CLSPN: variants seen among roughly 807,000 people sequenced by gnomAD.
CLSPN encodes claspin.
Under a neutral mutation model 156.3 loss-of-function variants are expected in CLSPN, and 85 were observed. The observed-to-expected ratio is 0.54, with a 90% CI of 0.46 to 0.65. The LOEUF (loss-of-function observed/expected upper bound fraction) is 0.65. CLSPN is among the 30% of genes least tolerant of loss of function. The probability of loss-of-function intolerance (pLI) is 0.00; values close to 1 mark genes in which losing one functional copy is unlikely to be tolerated. For missense variants in CLSPN, 1,407 were observed against 1,554.9 expected, an observed-to-expected ratio of 0.90 and a Z score of 1.60; for synonymous variants, 534 against 542.4, an observed-to-expected ratio of 0.98 and a Z score of 0.22.
At position 35,734,109 on chromosome 1, in the gene CLSPN, G is replaced by C; in HGVS notation, c.*2387C>G. ...TTGATCAATTCACTAGGACTGAGAAGCCAGTGAGGGGACAATTGCAGCAGC... is the reference window on the plus strand; with the variant it reads ...TTGATCAATTCACTAGGACTGAGAACCCAGTGAGGGGACAATTGCAGCAGC... On this transcript the variant is annotated 3_prime_UTR_variant, in exon 25 of 25. Coordinates refer to ENST00000318121, the MANE Select transcript of CLSPN (RefSeq NM_022111.4). 1 of 985,394 alleles carries C rather than the reference G, an allele frequency of 1.0e-6. No homozygotes were observed. The highest frequency in any genetic ancestry group is 1.2e-6 in the Non-Finnish European group (1 of 829,914). The allele number at this position is 985,394 out of a possible 1,614,324, so 61.0% of individuals were successfully genotyped here.
At position 35,734,500 on chromosome 1, in the gene CLSPN, C is replaced by T. The variant is rs1427644625; in HGVS notation, c.*1996G>A. On this transcript the variant is annotated 3_prime_UTR_variant, in exon 25 of 25. Transcript: ENST00000318121. ...TTCAAGACCAGCCTGGCCAACATGG[C>T]GAAACCTCATCTCTAATAAAAATAC... 1.3e-5 allele frequency: 5 copies of T among 382,552 alleles called. No homozygotes were observed. The East Asian group carries it at 6.6e-4, about 50-fold the overall frequency. The allele number at this position is 382,552 out of a possible 1,614,324, so 23.7% of individuals were successfully genotyped here.
chr1:35,736,501 T>G lies in CLSPN; in HGVS notation c.4015A>C (p.Ser1339Arg). The G allele has an allele frequency of 6.3e-7, 1 of 1,599,022 alleles. No individual in the cohort carries two copies. Among genetic ancestry groups the G allele is most frequent in the Non-Finnish European group, 8.5e-7 (1 of 1,173,772 alleles). ...TTTTGGCACCTTTGATGGTGTTAGC[T>G]CTCCAAATATTTGAAGATGCTTCGC... ...LTRSIFKYLES is the reference protein window; with the variant it reads ...LTRSIFKYLER Residue 1339 changes from serine (S) to arginine (R), a missense_variant, in exon 25 of 25, where the codon AGC (serine) becomes CGC (arginine). Ser to Arg is a moderately radical substitution (Grantham distance 110). Transcript: ENST00000318121.
rs1208069040 is a variant in CLSPN, at chr1:35,732,630, C to A, written c.*3866G>T. The A allele has an allele frequency of 1.2e-5, 12 of 985,344 alleles. No individual in the cohort carries two copies. The highest frequency in any genetic ancestry group is 1.3e-5 in the Non-Finnish European group (11 of 829,950). 61.0% of individuals were successfully genotyped at this position (985,344 alleles called of 1,614,324 possible). A position where few individuals can be genotyped will look rare whatever the true frequency, so the allele number is the denominator to read the frequency against. ...CAAGGAAGAAACAAAAACACTGACACTGAGCCTACCCTATCTCCCACACTC... is the reference window on the plus strand; with the variant it reads ...CAAGGAAGAAACAAAAACACTGACAATGAGCCTACCCTATCTCCCACACTC... On this transcript the variant is annotated 3_prime_UTR_variant, in exon 25 of 25. Transcript: ENST00000318121.
rs767761237 is a variant in CLSPN at position 35,753,935 on chromosome 1, T to C, written c.1581A>G (p.Glu527=). The part of the protein sequence containing the change: ...FVILEPETNR[E]LEALKQRFWK... ...AGAAACGCTGCTTCAAGGCTTCCAG[T>C]TCTAAACCCAAACGCCAACCAGTGT... Residue 527 remains glutamate, a splice_region_variant and synonymous_variant, in exon 9 of 25, where the codon GAA becomes GAG. Coordinates refer to ENST00000318121, the MANE Select transcript of CLSPN (RefSeq NM_022111.4). 6.2e-6 allele frequency: 10 copies of C among 1,613,768 alleles called. No homozygotes were observed. The highest frequency in any genetic ancestry group is 8.5e-6 in the Non-Finnish European group (10 of 1,179,864).
At chr1:35,762,517 A>C (rs1244321253) in intron 4 of CLSPN, 36 bp from the exon 5 acceptor site, 21 of 1,529,760 alleles carry the variant, frequency 1.4e-5, no homozygotes, top group Non-Finnish European at 1.9e-5. Context: ...GACAAAAACG[A>C]AATTCAAATA....
intron 8 of CLSPN, among the ~76,000 whole-genome samples, chr1:35,754,855 T>C (rs576996389): frequency 1.1e-4 from 16 of 152,238 alleles, no homozygotes; most frequent in Middle Eastern, 3.4e-3. Flanking sequence ...GAAATATATA[T>C]ATACTGGGAA....
chr1:35,769,756 G>T, intron 1 of CLSPN, 91 bp downstream of exon 1: 2 of 1,268,090 alleles, frequency 1.6e-6, no homozygotes, highest in Non-Finnish European at 2.1e-6. Context: ...CCGCCCGGGC[G>T]CCTCGGGTCA....
intron 18 of CLSPN, among the ~76,000 whole-genome samples, chr1:35,740,607 T>C (rs1008529924): frequency 2.0e-5 from 3 of 151,866 alleles, no homozygotes; most frequent in Non-Finnish European, 4.4e-5. Context: ...TTAGTAGAGA[T>C]AGGGTTTCAC....
At chr1:35,739,018 C>T (rs1486570725) in intron 20 of CLSPN, 118 bp downstream of exon 20, 1 of 1,200,140 alleles carries the variant, frequency 8.3e-7, no homozygotes, top group African/African-American at 1.5e-5. Flanking sequence ...TCAGGCTGGT[C>T]CTGAACTCCT....
chr1:35,720,721 CAGGCGTG>C (rs1302805945), exon 25 of CLSPN: 4 of 449,256 alleles, frequency 8.9e-6, no homozygotes, highest in Non-Finnish European at 1.6e-5. Flanking sequence ...GCTGGGATTA[CAGGCGTG>C]AGCCACCATG....
intron 18 of CLSPN, among the ~76,000 whole-genome samples, chr1:35,742,023 C>T (rs976225650): frequency 6.9e-6 from 1 of 144,448 alleles, no homozygotes; most frequent in Admixed American, 6.8e-5. Flanking sequence ...TGGCTCATGC[C>T]TGTAATCCCA....
At chr1:35,726,091 C>T (rs1641180082) in intron 24 of CLSPN, among the ~76,000 whole-genome samples, 1 of 140,330 alleles carries the variant, frequency 7.1e-6, no homozygotes, top group Non-Finnish European at 1.5e-5. Flanking sequence ...CAAACTCAAT[C>T]TCACTCTCTC....
Position 35,733,978 on chromosome 1 carries a change from TA to T in CLSPN, c.*2517del, listed in dbSNP as rs1641384085. The T allele has an allele frequency of 1.0e-6, 1 of 983,128 alleles. No individual in the cohort carries two copies. Among genetic ancestry groups the T allele is most frequent in the Non-Finnish European group, 1.2e-6 (1 of 827,810 alleles). The allele number at this position is 983,128 out of a possible 1,614,324, so 60.9% of individuals were successfully genotyped here. ...CTGGGCAACAGAATGAGACTGTCTCTAAAAAATAAGTTTTTTAAACAAAGAG... is the reference window on the plus strand; with the variant it reads ...CTGGGCAACAGAATGAGACTGTCTCTAAAAATAAGTTTTTTAAACAAAGAG... On this transcript the variant is annotated 3_prime_UTR_variant, in exon 25 of 25. Transcript: ENST00000318121.
intron 12 of CLSPN, chr1:35,748,817 GTTCT>G: frequency 1.2e-5 from 4 of 346,998 alleles, no homozygotes; most frequent in Non-Finnish European, 1.7e-5. Context: ...ACACTTGAAA[GTTCT>G]TTTTTTTTTT....
Position 35,735,629 on chromosome 1 carries a change from A to G in CLSPN, c.*867T>C, listed in dbSNP as rs1571190148. On this transcript the variant is annotated 3_prime_UTR_variant, in exon 25 of 25. Coordinates refer to ENST00000318121, the MANE Select transcript of CLSPN (RefSeq NM_022111.4). The stretch of plus-strand genomic sequence containing the variant: ...AGGCTGAGACAGGAGAATCACTTGA[A>G]CCCGGGAGGCAGAGGTTGCCGTGAG... 1.4e-6 allele frequency: 1 copy of G among 718,288 alleles called. No homozygotes were observed. The highest frequency in any genetic ancestry group is 1.7e-6 in the Non-Finnish European group (1 of 587,118). The allele number at this position is 718,288 out of a possible 1,614,324, so 44.5% of individuals were successfully genotyped here. A position where few individuals can be genotyped will look rare whatever the true frequency, so the allele number is the denominator to read the frequency against.
At chr1:35,738,652 AT>A in intron 20 of CLSPN, 70 bp from the exon 21 acceptor site, 1 of 1,493,542 alleles carries the variant, frequency 6.7e-7, no homozygotes, top group Non-Finnish European at 9.2e-7. Flanking sequence ...CAGACAAAAA[AT>A]AAACCCTTAT....
intron 1 of CLSPN, among the ~76,000 whole-genome samples, chr1:35,768,866 C>T (rs1362827272): frequency 6.6e-6 from 1 of 151,988 alleles, no homozygotes; most frequent in Non-Finnish European, 1.5e-5. Context: ...AAGGGCAGGG[C>T]CAGTAACAGG....
chr1:35,728,966 A>ACACACACC, downstream of CLSPN, among the ~76,000 whole-genome samples: 1 of 140,868 alleles, frequency 7.1e-6, no homozygotes, highest in Admixed American at 6.9e-5. Flanking sequence ...ACACACACAC[A>ACACACACC]CACACACACA....
intron 24 of CLSPN, chr1:35,721,130 C>A: frequency 1.7e-6 from 1 of 594,140 alleles, no homozygotes; most frequent in Non-Finnish European, 3.0e-6. Flanking sequence ...TTTCTTTCAC[C>A]GACAATTGAA....
Sources: allele counts gnomAD v4.1 joint callset (sites outside exome capture counted in the v4.1 genomes callset), GRCh38; gene constraint gnomAD v4.1.1; transcripts MANE v1.5; gene names NCBI Gene and HGNC (gene_info 2026-07-23, HGNC 2026-07-21).